SRPK1: variants seen among roughly 807,000 people sequenced by gnomAD.
The protein encoded by SRPK1 is SFRS protein kinase 1.
A neutral mutation model predicts 89.5 loss-of-function variants in SRPK1; 52 were observed. The observed-to-expected ratio is 0.58, with a 90% confidence interval of 0.46 to 0.73. The LOEUF is 0.73. Ranked by LOEUF, SRPK1 falls within the 30% of genes least tolerant of loss-of-function variation. The pLI is 0.00. For synonymous variants in SRPK1, 255 were observed against 270.2 expected, an observed-to-expected ratio of 0.94 and a Z score of 0.55; for missense variants, 603 against 780.6, an observed-to-expected ratio of 0.77 and a Z score of 2.71.
intron 2 of SRPK1, among the ~76,000 whole-genome samples, chr6:35,914,429 G>A (rs1561999427): frequency 6.6e-6 from 1 of 152,152 alleles, no homozygotes; most frequent in African/African-American, 2.4e-5. Flanking sequence ...AGTTCTGGTG[G>A]CTTCACAGGA....
chr6:35,849,253 A>G (rs182873865), intron 13 of SRPK1, among the ~76,000 whole-genome samples: 1 of 152,320 alleles, frequency 6.6e-6, no homozygotes, highest in Admixed American at 6.5e-5. Flanking sequence ...CAACATCACT[A>G]ATCATTAGGG....
intron 14 of SRPK1, chr6:35,838,741 C>A: frequency 7.1e-7 from 1 of 1,411,834 alleles, no homozygotes; most frequent in Non-Finnish European, 9.5e-7. Flanking sequence ...ATATTTCCCA[C>A]TGAGGGAAAA....
chr6:35,916,047 T>G, intron 2 of SRPK1, among the ~76,000 whole-genome samples: 2 of 123,032 alleles, frequency 1.6e-5, no homozygotes, highest in Non-Finnish European at 1.8e-5. Flanking sequence ...CACACACGTT[T>G]ATTAATAAAA....
At chr6:35,840,008 T>C (rs972435103) in intron 14 of SRPK1, among the ~76,000 whole-genome samples, 2 of 151,998 alleles carry the variant, frequency 1.3e-5, no homozygotes, top group Non-Finnish European at 2.9e-5. Context: ...GGTTTTGCCA[T>C]GTTGCCCAGG....
At chr6:35,904,516 G>A (rs1045130038) in intron 2 of SRPK1, among the ~76,000 whole-genome samples, 1 of 152,142 alleles carries the variant, frequency 6.6e-6, no homozygotes, top group African/African-American at 2.4e-5. Flanking sequence ...AAATAAAGTC[G>A]TGGGCTGGGT....
intron 12 of SRPK1, among the ~76,000 whole-genome samples, chr6:35,866,928 C>T (rs1769916896): frequency 6.6e-6 from 1 of 152,188 alleles, no homozygotes; most frequent in East Asian, 1.9e-4. Context: ...GTAAATACCA[C>T]ATGTTCTCAC....
At chr6:35,872,825 A>G in intron 7 of SRPK1, 97 bp from the exon 8 acceptor site, 2 of 1,115,044 alleles carry the variant, frequency 1.8e-6, no homozygotes, top group Non-Finnish European at 2.4e-6. Context: ...AAAAAAAGAT[A>G]TGATAGCGTT....
At chr6:35,912,854 G>T (rs1561998599) in intron 2 of SRPK1, among the ~76,000 whole-genome samples, 1 of 152,228 alleles carries the variant, frequency 6.6e-6, no homozygotes, top group African/African-American at 2.4e-5. Context: ...CATAATCACA[G>T]CTCACTGTAG....
chr6:35,872,341 T>C (rs1232161548), intron 8 of SRPK1, among the ~76,000 whole-genome samples: 1 of 152,186 alleles, frequency 6.6e-6, no homozygotes, highest in African/African-American at 2.4e-5. Flanking sequence ...TTTTAAACAA[T>C]ACACACCAGC....
chr6:35,904,839 AAAAT>A (rs1185318542), intron 2 of SRPK1: 8 of 223,260 alleles, frequency 3.6e-5, no homozygotes, highest in Non-Finnish European at 5.4e-5. Context: ...AAAAAAATAA[AAAAT>A]AAATAAAGTC....
chr6:35,856,642 A>G (rs1466618045), intron 13 of SRPK1, among the ~76,000 whole-genome samples: 8 of 152,244 alleles, frequency 5.3e-5, no homozygotes, highest in African/African-American at 1.9e-4. Context: ...AACATAGAAG[A>G]GAAACAAGTA....
intron 8 of SRPK1, 90 bp from the exon 9 acceptor site, chr6:35,871,049 A>T: frequency 1.8e-6 from 2 of 1,091,172 alleles, no homozygotes; most frequent in Non-Finnish European, 2.7e-6. Context: ...CAGAATGAAA[A>T]GTCTTTCTTA....
chr6:35,915,993 T>TAA (rs1258746791), intron 2 of SRPK1, among the ~76,000 whole-genome samples: 2 of 51,210 alleles, frequency 3.9e-5, no homozygotes, highest in Non-Finnish European at 7.6e-5. Context: ...AAAAAAAAAA[T>TAA]ATATACACAC....
At chr6:35,835,822 T>A (rs1769166261) in intron 15 of SRPK1, among the ~76,000 whole-genome samples, 1 of 152,204 alleles carries the variant, frequency 6.6e-6, no homozygotes, top group South Asian at 2.1e-4. Context: ...CATGGTCTTA[T>A]ATGGTGTGCA....
At chr6:35,838,818 A>C (rs764547834) in intron 14 of SRPK1, 5 of 1,369,122 alleles carry the variant, frequency 3.7e-6, no homozygotes, top group Admixed American at 3.8e-5. Context: ...AAGGGTAAGA[A>C]GAACAGATCA....
chr6:35,877,624 C>T (rs1770181882), intron 6 of SRPK1, among the ~76,000 whole-genome samples: 1 of 151,998 alleles, frequency 6.6e-6, no homozygotes, highest in Admixed American at 6.6e-5. Context: ...GGGCGGATCA[C>T]GAGGTCAGGA....
intron 14 of SRPK1, among the ~76,000 whole-genome samples, chr6:35,840,040 C>T (rs931116380): frequency 2.0e-5 from 3 of 152,188 alleles, no homozygotes; most frequent in Non-Finnish European, 2.9e-5. Context: ...CTCCTGGGCT[C>T]AAGCGATCCA....
chr6:35,881,426 C>CATATAG (rs56083624), intron 6 of SRPK1, among the ~76,000 whole-genome samples: 11,621 of 147,068 alleles, frequency 0.079, 619 homozygotes, highest in East Asian at 0.11. Flanking sequence ...GTAGAATACA[C>CATATAG]ATATAGATAT....
chr6:35,895,493 C>T (rs1339422055), intron 2 of SRPK1, among the ~76,000 whole-genome samples: 1 of 151,844 alleles, frequency 6.6e-6, no homozygotes, highest in Non-Finnish European at 1.5e-5. Flanking sequence ...TGGCTCGTAA[C>T]TCCCACAGCC....
Sources: gnomAD v4.1 joint callset for allele counts (sites outside exome capture counted in the v4.1 genomes callset) on GRCh38, gnomAD v4.1.1 for gene constraint, MANE v1.5 for transcripts, NCBI Gene and HGNC (gene_info 2026-07-23, HGNC 2026-07-21) for gene names.